The following PPP1R37 variants were observed in gnomAD, a reference collection of about 807,000 sequenced individuals.
The protein encoded by PPP1R37 is protein phosphatase 1 regulatory subunit 37, also known as leucine rich repeat containing 68.
A neutral mutation model predicts 61.0 loss-of-function variants in PPP1R37; 21 were observed. The ratio of observed to expected loss-of-function variants is 0.34; its 90% confidence interval spans 0.24 to 0.50. The LOEUF is 0.50. PPP1R37 is among the 20% of genes least tolerant of loss of function. The probability of loss-of-function intolerance (pLI) is 0.98; values close to 1 mark genes in which losing one functional copy is unlikely to be tolerated. For missense variants in PPP1R37, 910 were observed against 952.7 expected (o/e 0.96, Z 0.59); for synonymous variants, 443 against 433.5 (o/e 1.02, Z -0.27).
intron 1 of PPP1R37, chr19:45,136,217 C>T (rs1361307457): frequency 6.6e-6 from 1 of 152,186 alleles, no homozygotes; most frequent in Non-Finnish European, 1.5e-5. Flanking sequence ...GTAATAAGGC[C>T]TTCAGTCTCA....
intron 1 of PPP1R37, among the ~76,000 whole-genome samples, chr19:45,127,974 CA>C (rs35001139): frequency 0.1 from 6,315 of 61,856 alleles, 335 homozygotes; most frequent in African/African-American, 0.28. Flanking sequence ...GACTCCATCT[CA>C]AAAAAAAAAA....
rs1968667544 is a variant in PPP1R37 at position 45,144,973 on chromosome 19, C to A, written c.1107C>A (p.Ala369=). Residue 369 remains alanine, a synonymous_variant, in exon 9 of 13, where the codon GCC becomes GCA. Coordinates refer to ENST00000221462, the MANE Select transcript of PPP1R37 (RefSeq NM_019121.2). ...GCAGCGTGCTGCGCCTCGGGCTGGC[C>A]TCCACCAAGCTCACGTGCGAGGGTA... ...SNRSVLRLGL[A]STKLTCEGAV... is the part of the protein sequence containing the mutation. 6.5e-7 allele frequency: 1 copy of A among 1,535,136 alleles called. No homozygotes were observed.
chr19:45,146,446 C>A lies in PPP1R37; in HGVS notation c.2050C>A (p.Gln684Lys). 2 of 1,535,830 alleles carry A rather than the reference C, an allele frequency of 1.3e-6. No individual in the cohort carries two copies. The highest frequency in any genetic ancestry group is 2.4e-5 in the South Asian group (2 of 84,018). Reference sequence around the variant, plus strand: ...CGAGGAGCTGCTTCTGGAAGCCAGTCAGGAATCCGGGCAGGAGACACTGTG... The same window carrying A: ...CGAGGAGCTGCTTCTGGAAGCCAGTAAGGAATCCGGGCAGGAGACACTGTG... ...ELEELLLEAS[Q>K]ESGQETL Residue 684 changes from glutamine to lysine, a missense_variant, in exon 12 of 13, where the codon CAG becomes AAG. By Grantham distance (53) the Gln-to-Lys change is moderately conservative. This residue lies in a region of PPP1R37 where 549 missense variants were observed against 505.1 expected (regional missense o/e 1.09). Coordinates refer to ENST00000221462, the MANE Select transcript of PPP1R37 (RefSeq NM_019121.2).
intron 1 of PPP1R37, among the ~76,000 whole-genome samples, chr19:45,105,501 G>C (rs1968118672): frequency 1.3e-5 from 2 of 152,100 alleles, no homozygotes; most frequent in African/African-American, 4.8e-5. Flanking sequence ...CTGTCACGGG[G>C]TGGCAGGCAA....
chr19:45,124,032 C>G (rs1312032098), intron 1 of PPP1R37, among the ~76,000 whole-genome samples: 1 of 152,218 alleles, frequency 6.6e-6, no homozygotes, highest in African/African-American at 2.4e-5. Context: ...CTGGCTGGCC[C>G]CATGTGGAGC....
intron 1 of PPP1R37, among the ~76,000 whole-genome samples, chr19:45,105,993 T>C (rs1250626370): frequency 6.6e-6 from 1 of 152,222 alleles, no homozygotes. Flanking sequence ...TGTCTGGTCC[T>C]GGGGTGGAGC....
intron 1 of PPP1R37, among the ~76,000 whole-genome samples, chr19:45,102,854 G>T (rs185964575): frequency 7.4e-4 from 112 of 152,302 alleles, no homozygotes; most frequent in South Asian, 1.2e-3. Flanking sequence ...TTACATAGCC[G>T]CCACAGCACC....
At chr19:45,100,626 AC>A (rs1371724873) in intron 1 of PPP1R37, among the ~76,000 whole-genome samples, 13 of 151,996 alleles carry the variant, frequency 8.6e-5, no homozygotes, top group Admixed American at 2.0e-4. Context: ...CGCAGTAATA[AC>A]CCCTGTGCGG....
intron 1 of PPP1R37, among the ~76,000 whole-genome samples, chr19:45,106,806 TC>T (rs1968137412): frequency 2.2e-5 from 3 of 137,400 alleles, no homozygotes; most frequent in African/African-American, 5.7e-5. Context: ...ATGTTGAGCA[TC>T]TTTTTTTTTT....
Position 45,145,657 on chromosome 19 carries a change from C to T in PPP1R37, c.1601C>T (p.Pro534Leu), listed in dbSNP as rs539710409. The T allele has an allele frequency of 2.1e-4, 315 of 1,535,478 alleles. 1 individual carries two copies. In the East Asian group the frequency reaches 7.0e-3, roughly 34 times the overall value. Residue 534 changes from proline to leucine, a missense_variant, in exon 11 of 13, where the codon CCC becomes CTC. Around this residue, in one of 3 missense-constraint regions of PPP1R37, gnomAD observed 549 missense variants for 505.1 expected, o/e 1.09. Coordinates refer to ENST00000221462, the MANE Select transcript of PPP1R37 (RefSeq NM_019121.2). ...ACCCCCTGTCCTGCCCTGGTGCCCC[C>T]CACGGACTCCCTGGGCCCTGGGGAC... ...DETPCPALVP[P>L]TDSLGPGDRS...
At chr19:45,129,721 G>A (rs1036191324) in intron 1 of PPP1R37, among the ~76,000 whole-genome samples, 1 of 151,870 alleles carries the variant, frequency 6.6e-6, no homozygotes, top group South Asian at 2.1e-4. Flanking sequence ...CCCTAAGCAC[G>A]ACCCCCACAG....
chr19:45,115,798 A>C (rs1198548258), intron 1 of PPP1R37, among the ~76,000 whole-genome samples: 1 of 152,088 alleles, frequency 6.6e-6, no homozygotes, highest in Admixed American at 6.6e-5. Context: ...AACATGGTGA[A>C]ACCCCGTCTC....
rs1384889522 is a variant in PPP1R37 at position 45,129,543 on chromosome 19, C to T, written c.203-8971C>T. On this transcript the variant is annotated intron_variant, in intron 1 of 12. Transcript: ENST00000221462. Reference sequence around the variant, plus strand: ...TGAACTCCTGACCTCGTGATCTGCCCGTCTCGGCCTCCCAAAGTGCTGGGA... The same window carrying T: ...TGAACTCCTGACCTCGTGATCTGCCTGTCTCGGCCTCCCAAAGTGCTGGGA... 2.6e-5 allele frequency among the ~76,000 whole-genome samples: 4 copies of T among 152,122 alleles called. No individual in the cohort carries two copies. In the South Asian group the frequency reaches 8.3e-4, roughly 32 times the overall value.
chr19:45,123,270 C>T (rs1193584050), intron 1 of PPP1R37, among the ~76,000 whole-genome samples: 3 of 152,150 alleles, frequency 2.0e-5, no homozygotes, highest in Admixed American at 2.0e-4. Context: ...CCAGGCTGGA[C>T]CAGGTGCCCA....
At chr19:45,140,866 G>T (rs1310519638) in intron 4 of PPP1R37, among the ~76,000 whole-genome samples, 2 of 152,114 alleles carry the variant, frequency 1.3e-5, no homozygotes, top group Non-Finnish European at 1.5e-5. Flanking sequence ...CAGGCGTGTG[G>T]CCCCCAGGAG....
intron 1 of PPP1R37, among the ~76,000 whole-genome samples, chr19:45,134,420 A>G (rs1054022384): frequency 1.3e-5 from 2 of 152,192 alleles, no homozygotes; most frequent in Admixed American, 1.3e-4. Flanking sequence ...GAGTGCTGTC[A>G]GCGCGAACTT....
At chr19:45,100,489 G>A (rs575805275) in intron 1 of PPP1R37, among the ~76,000 whole-genome samples, 4 of 152,242 alleles carry the variant, frequency 2.6e-5, no homozygotes, top group East Asian at 1.9e-4. Flanking sequence ...GGTAGGTGCC[G>A]TTTGCCCCAA....
At chr19:45,102,224 CT>C (rs1186941493) in intron 1 of PPP1R37, among the ~76,000 whole-genome samples, 1 of 152,228 alleles carries the variant, frequency 6.6e-6, no homozygotes, top group Non-Finnish European at 1.5e-5. Flanking sequence ...ATATCGGTGT[CT>C]GATCAGTCTT....
intron 3 of PPP1R37, 107 bp from the exon 4 acceptor site, chr19:45,140,395 CAGGG>C: frequency 8.7e-7 from 1 of 1,149,828 alleles, no homozygotes; most frequent in Non-Finnish European, 1.2e-6. Context: ...TGAGCTCAGC[CAGGG>C]CAGGGGCTGG....
Sources: allele counts gnomAD v4.1 joint callset (sites outside exome capture counted in the v4.1 genomes callset), GRCh38; gene constraint gnomAD v4.1.1; regional missense constraint gnomAD v4.1.1; transcripts MANE v1.5; gene names NCBI Gene and HGNC (gene_info 2026-07-23, HGNC 2026-07-21).